PGF: variants seen among roughly 807,000 people sequenced by gnomAD.
PGF encodes placental growth factor, also known as placenta growth factor.
In PGF, 11 loss-of-function variants were observed where a neutral mutation model predicts 25.3. That is an observed-to-expected ratio of 0.43 (90% CI 0.27 to 0.72). The LOEUF (loss-of-function observed/expected upper bound fraction) is 0.72, where lower values mean the gene tolerates loss of function less well. Ranked by LOEUF, PGF falls within the 30% of genes least tolerant of loss-of-function variation. The pLI is 0.18. For synonymous variants in PGF, 105 were observed against 97.9 expected (o/e 1.07, Z -0.43); for missense variants, 230 against 234.9 (o/e 0.98, Z 0.14).
At chr14:74,952,657 C>T (rs749688681) in intron 2 of PGF, among the ~76,000 whole-genome samples, 13 of 152,178 alleles carry the variant, frequency 8.5e-5, no homozygotes, top group Non-Finnish European at 1.5e-4. Flanking sequence ...GGGTGCAAAG[C>T]TCGTTGTACT....
In PGF at chr14:74,944,081, A is replaced by ATT. The variant is rs58701358; in HGVS notation, c.486-1350_486-1349dup. Among the ~76,000 whole-genome samples the ATT allele has an allele frequency of 3.5e-3, 466 of 133,196 alleles. 9 individuals are homozygous for ATT. In the East Asian group the frequency reaches 0.038, roughly 11 times the overall value. The allele number at this position is 133,196 out of a possible 152,430, so 87.4% of individuals were successfully genotyped here. On this transcript the variant is annotated intron_variant, in intron 6 of 6. Coordinates refer to ENST00000555567, the MANE Select transcript of PGF (RefSeq NM_002632.6). ...TAATTATGAAAGGAAGTGTTCCTGT[A>ATT]TTTTTTTTTTTTTTGCTTGTTAATT...
chr14:74,948,439 C>T, intron 4 of PGF, 68 bp downstream of exon 4: 1 of 965,722 alleles, frequency 1.0e-6, no homozygotes, highest in Non-Finnish European at 1.6e-6. Flanking sequence ...CCCTGGGACC[C>T]ATCTTTGCTG....
Position 74,953,707 on chromosome 14 carries a change from G to A in PGF, c.118+197C>T, listed in dbSNP as rs1888922936. On this transcript the variant is annotated intron_variant, in intron 2 of 6. Transcript: ENST00000555567. This position sits in a 1 kb window ranked among gnomAD's most constrained non-coding sequence, Gnocchi z 5.4. ...CACTCTCCGTGTGCTGGTGACTCCA[G>A]CCCACACCTCTCTAGTCTCTGGGTC... Among the ~76,000 whole-genome samples the A allele has an allele frequency of 6.6e-6, 1 of 152,198 alleles. No homozygotes were observed. Among genetic ancestry groups the A allele is most frequent in the South Asian group, 2.1e-4 (1 of 4,836 alleles).
intron 6 of PGF, chr14:74,944,561 T>C (rs1888682887): frequency 6.6e-6 from 1 of 152,106 alleles, no homozygotes; most frequent in Non-Finnish European, 1.5e-5. Flanking sequence ...CTTTTTTTTT[T>C]TTGAGACAGG....
chr14:74,943,679 T>G (rs916542172), intron 6 of PGF, among the ~76,000 whole-genome samples: 4 of 152,236 alleles, frequency 2.6e-5, no homozygotes, highest in African/African-American at 9.6e-5. Flanking sequence ...GTAACATTCA[T>G]TAATGGATTC....
Position 74,950,347 on chromosome 14 carries a change from T to G in PGF, c.119-794A>C, listed in dbSNP as rs61757895. On this transcript the variant is annotated intron_variant, in intron 2 of 6. Coordinates refer to ENST00000555567, the MANE Select transcript of PGF (RefSeq NM_002632.6). This position sits in a 1 kb window ranked among gnomAD's most constrained non-coding sequence, Gnocchi z 4.1. ...GGGTTGCCTTATCTCCGGCACTGCT[T>G]GCTCTTATCTCCTTTACAACCAACT... is the stretch of plus-strand genomic sequence containing the variant. Among the ~76,000 whole-genome samples the G allele has an allele frequency of 1.6e-3, 250 of 152,312 alleles. No homozygotes were observed. Among genetic ancestry groups the G allele is most frequent in the Middle Eastern group, 3.4e-3 (1 of 294 alleles).
In PGF at chr14:74,955,422, C is replaced by T. The variant is rs1888968104; in HGVS notation, c.-180G>A. On this transcript the variant is annotated 5_prime_UTR_variant, in exon 1 of 7. Coordinates refer to ENST00000555567, the MANE Select transcript of PGF (RefSeq NM_002632.6). This position sits in a 1 kb window ranked among gnomAD's most constrained non-coding sequence, Gnocchi z 4.1. ...TGGAAGCCTTGCGGAGTCAGGAGCC[C>T]GTAGGTAAGGCTGTGGCTGGGGAAC... 9.8e-6 allele frequency: 4 copies of T among 406,840 alleles called. No homozygotes were observed. The highest frequency in any genetic ancestry group is 8.7e-6 in the Non-Finnish European group (2 of 228,900). The allele number at this position is 406,840 out of a possible 1,614,324, so 25.2% of individuals were successfully genotyped here. A position where few individuals can be genotyped will look rare whatever the true frequency, so the allele number is the denominator to read the frequency against.
chr14:74,946,925 G>A (rs1288565611), intron 4 of PGF: 2 of 738,838 alleles, frequency 2.7e-6, no homozygotes, highest in Non-Finnish European at 5.0e-6. Context: ...AGGCATGTCT[G>A]GGCTCTGCCT....
intron 2 of PGF, among the ~76,000 whole-genome samples, chr14:74,951,546 G>A (rs979532914): frequency 1.3e-5 from 2 of 152,260 alleles, no homozygotes; most frequent in African/African-American, 4.8e-5. Context: ...CCAGCCGTCA[G>A]CGAGGGGACA....
At chr14:74,944,922 CTTT>C (rs5809688) in intron 6 of PGF, 32 of 116,306 alleles carry the variant, frequency 2.8e-4, no homozygotes, top group Admixed American at 3.5e-4. Context: ...TTTTGGAATT[CTTT>C]TTTTTTTTTT....
chr14:74,944,259 C>A (rs201032763), intron 6 of PGF, among the ~76,000 whole-genome samples: 3 of 151,792 alleles, frequency 2.0e-5, no homozygotes, highest in Non-Finnish European at 4.4e-5. Context: ...CCCACCACCA[C>A]ACCCGGCTAA....
Position 74,946,362 on chromosome 14 carries a change from C to T in PGF, c.422+17G>A, listed in dbSNP as rs200920420. 6.2e-7 allele frequency: 1 copy of T among 1,613,418 alleles called. No homozygotes were observed. Among genetic ancestry groups the T allele is most frequent in the Non-Finnish European group, 8.5e-7 (1 of 1,179,520 alleles). On this transcript the variant is annotated intron_variant, in intron 5 of 6. Transcript: ENST00000555567. Reference sequence around the variant, plus strand: ...GCAGGCCCGAGAATAGCCCCGAGCCCCAGCCAAACCACTTACCTTTCCGGC... The same window carrying T: ...GCAGGCCCGAGAATAGCCCCGAGCCTCAGCCAAACCACTTACCTTTCCGGC...
In PGF at chr14:74,950,841, C is replaced by G. The variant is rs574993065; in HGVS notation, c.119-1288G>C. 2.4e-4 allele frequency among the ~76,000 whole-genome samples: 37 copies of G among 152,320 alleles called. 1 individual carries two copies. The South Asian group carries it at 7.3e-3, about 30-fold the overall frequency. On this transcript the variant is annotated intron_variant, in intron 2 of 6. Coordinates refer to ENST00000555567, the MANE Select transcript of PGF (RefSeq NM_002632.6). The surrounding 1 kb of genome is among the most constrained non-coding windows in gnomAD (Gnocchi z 4.1). ...ACCCCCAGGCCTGGGTCATCCTGCT[C>G]TGCATCTGATGGTCATCCTCAGCTA...
Position 74,942,654 on chromosome 14 carries a change from C to A in PGF, c.*52G>T. 4 of 1,564,334 alleles carry A rather than the reference C, an allele frequency of 2.6e-6. No homozygotes were observed. Among genetic ancestry groups the A allele is most frequent in the Middle Eastern group, 1.7e-4 (1 of 5,950 alleles). On this transcript the variant is annotated 3_prime_UTR_variant, in exon 7 of 7. Coordinates refer to ENST00000555567, the MANE Select transcript of PGF (RefSeq NM_002632.6). The stretch of plus-strand genomic sequence containing the variant: ...CAGCAGGAGTCACTGAAGAGTGTGA[C>A]GGTAATAAATACACGAGCCGGGTGC...
chr14:74,955,153 G>A lies in PGF; in HGVS notation c.75+15C>T. ...GGAGGTCTGGGGAGCCAGGCTAGGT[G>A]GGGGTAGCTCTTACCTGGGGGGGCA... On this transcript the variant is annotated intron_variant, in intron 1 of 6. Coordinates refer to ENST00000555567, the MANE Select transcript of PGF (RefSeq NM_002632.6). This position sits in a 1 kb window ranked among gnomAD's most constrained non-coding sequence, Gnocchi z 4.1. 2.1e-6 allele frequency: 3 copies of A among 1,427,580 alleles called. No homozygotes were observed. The highest frequency in any genetic ancestry group is 1.4e-5 in the South Asian group (1 of 69,986). The allele number at this position is 1,427,580 out of a possible 1,614,324, so 88.4% of individuals were successfully genotyped here.
At chr14:74,944,013 A>G (rs1249325489) in intron 6 of PGF, among the ~76,000 whole-genome samples, 2 of 151,972 alleles carry the variant, frequency 1.3e-5, no homozygotes, top group Non-Finnish European at 2.9e-5. Flanking sequence ...GGGGAGTGAA[A>G]TGGAAATACA....
chr14:74,954,666 G>A (rs1317074517), intron 1 of PGF, among the ~76,000 whole-genome samples: 1 of 152,038 alleles, frequency 6.6e-6, no homozygotes, highest in Non-Finnish European at 1.5e-5. Context: ...AAGGCACAGC[G>A]AGACCCCTTG....
intron 3 of PGF, 26 bp downstream of exon 3, chr14:74,949,331 G>T: frequency 2.7e-6 from 4 of 1,461,348 alleles, no homozygotes; most frequent in South Asian, 1.4e-5. Context: ...AGATTCGGTG[G>T]CCCCCTGGGC....
At position 74,955,125 on chromosome 14, in the gene PGF, T is replaced by A. The variant is rs1275289439; in HGVS notation, c.75+43A>T. The stretch of plus-strand genomic sequence containing the variant: ...GAGTCCCATGCTTCCAGTGCTGGGA[T>A]GGGGAGGTCTGGGGAGCCAGGCTAG... On this transcript the variant is annotated intron_variant, in intron 1 of 6. Transcript: ENST00000555567. The surrounding 1 kb of genome is among the most constrained non-coding windows in gnomAD (Gnocchi z 4.1). 4 of 1,137,294 alleles carry A rather than the reference T, an allele frequency of 3.5e-6. No individual in the cohort carries two copies. Among genetic ancestry groups the A allele is most frequent in the Non-Finnish European group, 4.8e-6 (4 of 831,928 alleles). 70.5% of individuals were successfully genotyped at this position (1,137,294 alleles called of 1,614,324 possible). A position where few individuals can be genotyped will look rare whatever the true frequency, so the allele number is the denominator to read the frequency against.
Sources: allele counts gnomAD v4.1 joint callset (sites outside exome capture counted in the v4.1 genomes callset), GRCh38; gene constraint gnomAD v4.1.1; non-coding constraint Gnocchi (gnomAD v3.1); transcripts MANE v1.5; gene names NCBI Gene and HGNC (gene_info 2026-07-23, HGNC 2026-07-21).